FOXP2: variants seen among roughly 807,000 people sequenced by gnomAD.
The protein encoded by FOXP2 is forkhead box P2, also known as forkhead box protein P2.
In FOXP2, 12 loss-of-function variants were observed where a neutral mutation model predicts 115.8. The observed-to-expected ratio is 0.10, with a 90% CI of 0.07 to 0.17. FOXP2 has a LOEUF of 0.17. FOXP2 is among the 10% of genes least tolerant of loss of function. The probability of loss-of-function intolerance (pLI) is 1.00; values close to 1 mark genes in which losing one functional copy is unlikely to be tolerated. For synonymous variants in FOXP2, 328 were observed against 297.7 expected, an observed-to-expected ratio of 1.10 and a Z score of -1.05; for missense variants, 629 against 843.5, an observed-to-expected ratio of 0.75 and a Z score of 3.15.
chr7:114,531,253 T>C (rs372704837), intron 2 of FOXP2, among the ~76,000 whole-genome samples: 2 of 151,884 alleles, frequency 1.3e-5, no homozygotes, highest in African/African-American at 4.8e-5. Flanking sequence ...CAGAGAACTT[T>C]ATGAATGGCC....
chr7:114,187,590 A>G (rs1793645582), intron 1 of FOXP2, among the ~76,000 whole-genome samples: 1 of 152,172 alleles, frequency 6.6e-6, no homozygotes, highest in Admixed American at 6.5e-5. Context: ...TTAATGCTTT[A>G]TTCATGTAAA....
At chr7:114,097,499 G>A (rs1799676914) in intron 1 of FOXP2, among the ~76,000 whole-genome samples, 1 of 152,180 alleles carries the variant, frequency 6.6e-6, no homozygotes, top group South Asian at 2.1e-4. Flanking sequence ...TTTCCTTGGA[G>A]CTTAGAATCT....
intron 1 of FOXP2, among the ~76,000 whole-genome samples, chr7:114,204,150 T>C (rs866325809): frequency 6.6e-6 from 1 of 152,200 alleles, no homozygotes; most frequent in Non-Finnish European, 1.5e-5. Flanking sequence ...AAGCCACAGG[T>C]GTAATTTTAA....
intron 1 of FOXP2, among the ~76,000 whole-genome samples, chr7:114,270,202 G>A (rs774291946): frequency 6.6e-6 from 1 of 152,072 alleles, no homozygotes; most frequent in Admixed American, 6.6e-5. Flanking sequence ...ATATTTTGCA[G>A]TTTATTTATC....
intron 1 of FOXP2, among the ~76,000 whole-genome samples, chr7:114,203,871 A>G (rs1794135877): frequency 6.6e-6 from 1 of 152,194 alleles, no homozygotes; most frequent in Non-Finnish European, 1.5e-5. Flanking sequence ...CACCATAAAT[A>G]GAAAAACTAC....
At chr7:114,153,296 G>C (rs1226122435) in intron 1 of FOXP2, among the ~76,000 whole-genome samples, 1 of 152,096 alleles carries the variant, frequency 6.6e-6, no homozygotes, top group Non-Finnish European at 1.5e-5. Flanking sequence ...TTTACTCTCT[G>C]TTGCCATAGA....
At chr7:114,439,103 T>C (rs1359183338) in intron 2 of FOXP2, among the ~76,000 whole-genome samples, 9 of 152,182 alleles carry the variant, frequency 5.9e-5, no homozygotes, top group Admixed American at 5.9e-4. Flanking sequence ...TGAGGTCATA[T>C]AAATTGGAGA....
At chr7:114,212,845 G>T (rs1240318465) in intron 1 of FOXP2, among the ~76,000 whole-genome samples, 2 of 152,158 alleles carry the variant, frequency 1.3e-5, no homozygotes, top group Non-Finnish European at 2.9e-5. Context: ...CATTTGAGCT[G>T]GAAAAGGCTG....
chr7:114,589,936 T>C (rs1232284130), intron 3 of FOXP2, among the ~76,000 whole-genome samples: 1 of 152,046 alleles, frequency 6.6e-6, no homozygotes, highest in Non-Finnish European at 1.5e-5. Flanking sequence ...ATTAGTATAG[T>C]TTTATTGTTT....
At chr7:114,268,700 CTGTGTGTG>C (rs61371412) in intron 1 of FOXP2, among the ~76,000 whole-genome samples, 11,607 of 148,092 alleles carry the variant, frequency 0.078, 1,052 homozygotes, top group African/African-American at 0.23. Flanking sequence ...ATACTCCCCA[CTGTGTGTG>C]TGTGTGTGTG....
intron 3 of FOXP2, among the ~76,000 whole-genome samples, chr7:114,585,590 G>A (rs1398409807): frequency 6.7e-6 from 1 of 150,130 alleles, no homozygotes; most frequent in Non-Finnish European, 1.5e-5. Context: ...AAAAAGCCAG[G>A]CATGGTGGCT....
At chr7:114,254,067 T>G (rs55677001) in intron 1 of FOXP2, among the ~76,000 whole-genome samples, 4,528 of 152,266 alleles carry the variant, frequency 0.03, 93 homozygotes, top group Non-Finnish European at 0.047. Context: ...AGTTTGGCTG[T>G]ATATGAAATT....
At chr7:114,638,364 T>G (rs1805338792) in intron 6 of FOXP2, among the ~76,000 whole-genome samples, 1 of 152,144 alleles carries the variant, frequency 6.6e-6, no homozygotes, top group East Asian at 1.9e-4. Context: ...ACCACAGATC[T>G]CTTAGATTAA....
rs192702426 is a variant in FOXP2 at position 114,321,353 on chromosome 7, C to T, written c.-11+33244C>T. 6.1e-3 allele frequency among the ~76,000 whole-genome samples: 933 copies of T among 152,050 alleles called. 13 individuals carry two copies. Among genetic ancestry groups the T allele is most frequent in the African/African-American group, 0.021 (891 of 41,460 alleles). ...AGCTGGGACTACAAGTGCCCGCCAC[C>T]ACGCCCGGCTAATTTTTTGTATTTT... is the stretch of plus-strand genomic sequence containing the variant. On this transcript the variant is annotated intron_variant, in intron 2 of 17. Coordinates refer to the FOXP2 transcript ENST00000634411.
rs1562975999 is a variant in FOXP2, at chr7:114,135,333, AGCAAAATTTATTTTTTTAAAAAG to A, written c.-246-27605_-246-27583del. Among the ~76,000 whole-genome samples, 4 of 152,150 alleles carry A rather than the reference AGCAAAATTTATTTTTTTAAAAAG, an allele frequency of 2.6e-5. 1 individual carries two copies. Among genetic ancestry groups the A allele is most frequent in the Admixed American group, 2.6e-4 (4 of 15,282 alleles). On this transcript the variant is annotated intron_variant, in intron 1 of 19. Transcript: ENST00000635638. ...GACTAAAACCTATTTTGTAGGTAAA[AGCAAAATTTATTTTTTTAAAAAG>A]GCAAAGAAAATCTGAGTGGAACCAG... is the stretch of plus-strand genomic sequence containing the variant.
chr7:114,267,395 G>A (rs912120420), intron 1 of FOXP2, among the ~76,000 whole-genome samples: 4 of 151,622 alleles, frequency 2.6e-5, no homozygotes, highest in African/African-American at 7.3e-5. Flanking sequence ...TTAGATATTC[G>A]CTCTTACATG....
chr7:114,693,703 C>G lies in FOXP2; in HGVS notation c.*3777C>G, dbSNP rs538107334. On this transcript the variant is annotated 3_prime_UTR_variant, in exon 17 of 17. Coordinates refer to ENST00000350908, the MANE Select transcript of FOXP2 (RefSeq NM_014491.4). ...TTGGATGTAAAAATGTATATGAAACCATTTCATTCACTTGATTACATTTCT... is the reference window on the plus strand; with the variant it reads ...TTGGATGTAAAAATGTATATGAAACGATTTCATTCACTTGATTACATTTCT... The G allele has an allele frequency of 5.8e-6, 2 of 343,302 alleles. No homozygotes were observed. The highest frequency in any genetic ancestry group is 5.7e-6 in the Non-Finnish European group (1 of 176,296). 21.3% of individuals were successfully genotyped at this position (343,302 alleles called of 1,614,324 possible).
At chr7:114,663,587 T>C in intron 15 of FOXP2, 68 bp downstream of exon 15, 1 of 1,195,212 alleles carries the variant, frequency 8.4e-7, no homozygotes, top group Non-Finnish European at 1.2e-6. Context: ...TGGCATGTCT[T>C]TGTATTTAGG....
chr7:114,651,831 A>G (rs1445162607), intron 8 of FOXP2, among the ~76,000 whole-genome samples: 1 of 152,186 alleles, frequency 6.6e-6, no homozygotes, highest in Non-Finnish European at 1.5e-5. Context: ...ACAATGAAAT[A>G]GAAAATTGCC....
Sources: allele counts gnomAD v4.1 joint callset (sites outside exome capture counted in the v4.1 genomes callset), GRCh38; gene constraint gnomAD v4.1.1; transcripts MANE v1.5; gene names NCBI Gene and HGNC (gene_info 2026-07-23, HGNC 2026-07-21).